Variants in JAM2 observed in about 807,000 individuals in gnomAD.
The protein encoded by JAM2 is junctional adhesion molecule 2, also known as junctional adhesion molecule B.
In JAM2, 17 loss-of-function variants were observed where a neutral mutation model predicts 42.0. That is an observed-to-expected ratio of 0.40 (90% CI 0.28 to 0.61). The LOEUF (loss-of-function observed/expected upper bound fraction) is 0.61. Ranked by LOEUF, JAM2 falls within the 20% of genes least tolerant of loss-of-function variation. The probability of loss-of-function intolerance (pLI) is 0.37; values close to 1 mark genes in which losing one functional copy is unlikely to be tolerated. For synonymous variants in JAM2, 118 were observed against 128.6 expected (o/e 0.92, Z 0.56); for missense variants, 319 against 358.3 (o/e 0.89, Z 0.89).
At chr21:25,701,342 A>G (rs529947209) in intron 5 of JAM2, among the ~76,000 whole-genome samples, 1 of 152,040 alleles carries the variant, frequency 6.6e-6, no homozygotes, top group South Asian at 2.1e-4. Context: ...GGTGACCAGG[A>G]TTACACTCCC....
intron 1 of JAM2, among the ~76,000 whole-genome samples, chr21:25,682,195 T>C (rs890534315): frequency 6.6e-6 from 1 of 152,254 alleles, no homozygotes; most frequent in East Asian, 1.9e-4. Context: ...CTTGCACTTG[T>C]AGCATTTATA....
intron 5 of JAM2, among the ~76,000 whole-genome samples, chr21:25,700,746 A>G (rs2034149100): frequency 6.6e-6 from 1 of 152,206 alleles, no homozygotes; most frequent in African/African-American, 2.4e-5. Flanking sequence ...AGATCTTCTG[A>G]TAAACAAGAA....
At chr21:25,647,359 A>G (rs2032643818) in intron 1 of JAM2, among the ~76,000 whole-genome samples, 1 of 152,206 alleles carries the variant, frequency 6.6e-6, no homozygotes, top group African/African-American at 2.4e-5. Context: ...TAGTTCCAGT[A>G]TATATAAGCA....
At chr21:25,669,280 G>A (rs1043130114) in intron 1 of JAM2, among the ~76,000 whole-genome samples, 1 of 151,936 alleles carries the variant, frequency 6.6e-6, no homozygotes, top group Non-Finnish European at 1.5e-5. Flanking sequence ...GCTGAGGTGG[G>A]GGATCACCTG....
chr21:25,712,532 G>A (rs2034405127), intron 9 of JAM2, 150 bp downstream of exon 9: 1 of 584,600 alleles, frequency 1.7e-6, no homozygotes, highest in African/African-American at 1.9e-5. Flanking sequence ...CTAAGTAGAT[G>A]TTAGCTTCTG....
At chr21:25,662,563 C>T (rs1166587622) in intron 1 of JAM2, among the ~76,000 whole-genome samples, 1 of 152,164 alleles carries the variant, frequency 6.6e-6, no homozygotes, top group Non-Finnish European at 1.5e-5. Context: ...AAGTGATCCT[C>T]CTGTCTCAGC....
rs771920027 is a variant in JAM2 at position 25,715,752 on chromosome 21, C to T, written c.*1080C>T. ...GTGGATCTAATGTGGGTTTCTCAAC[C>T]GATGAACCACAAAAGCTTCCAGCTA... is the stretch of plus-strand genomic sequence containing the variant. On this transcript the variant is annotated 3_prime_UTR_variant, in exon 10 of 10. Transcript: ENST00000480456. 6.6e-6 allele frequency: 1 copy of T among 152,106 alleles called. No homozygotes were observed. The highest frequency in any genetic ancestry group is 6.5e-5 in the Admixed American group (1 of 15,278). The allele number at this position is 152,106 out of a possible 1,614,324, so 9.4% of individuals were successfully genotyped here.
intron 7 of JAM2, among the ~76,000 whole-genome samples, chr21:25,708,849 T>G (rs1486450072): frequency 6.6e-6 from 1 of 152,216 alleles, no homozygotes; most frequent in Non-Finnish European, 1.5e-5. Context: ...GTTCGTTACC[T>G]AAGAATGTTA....
chr21:25,707,061 G>T (rs926305095), intron 7 of JAM2, among the ~76,000 whole-genome samples: 1 of 152,160 alleles, frequency 6.6e-6, no homozygotes, highest in Non-Finnish European at 1.5e-5. Flanking sequence ...GTTAGGAATT[G>T]TATATCTCAA....
chr21:25,681,397 T>C (rs1225803239), intron 1 of JAM2, among the ~76,000 whole-genome samples: 2 of 152,176 alleles, frequency 1.3e-5, no homozygotes, highest in Non-Finnish European at 2.9e-5. Context: ...ATACATCCTT[T>C]TTCACATGGC....
At chr21:25,664,513 C>T (rs961264772) in intron 1 of JAM2, among the ~76,000 whole-genome samples, 3 of 152,148 alleles carry the variant, frequency 2.0e-5, no homozygotes, top group Non-Finnish European at 4.4e-5. Flanking sequence ...GGATTACAGG[C>T]GTCAGCCACT....
intron 1 of JAM2, among the ~76,000 whole-genome samples, chr21:25,679,254 T>C (rs2033571904): frequency 6.6e-6 from 1 of 152,240 alleles, no homozygotes; most frequent in Non-Finnish European, 1.5e-5. Context: ...ATGAAAGATT[T>C]CTCTCTCCTT....
intron 7 of JAM2, among the ~76,000 whole-genome samples, chr21:25,708,729 T>A (rs981624448): frequency 6.6e-6 from 1 of 152,218 alleles, no homozygotes; most frequent in African/African-American, 2.4e-5. Flanking sequence ...ACTCTTGTCA[T>A]CTTTATCTAT....
Position 25,670,430 on chromosome 21 carries a change from G to A in JAM2, c.68-13453G>A, listed in dbSNP as rs2033332878. Among the ~76,000 whole-genome samples, 4 of 151,920 alleles carry A rather than the reference G, an allele frequency of 2.6e-5. No homozygotes were observed. The South Asian group carries it at 8.3e-4, about 32-fold the overall frequency. On this transcript the variant is annotated intron_variant, in intron 1 of 9. Coordinates refer to ENST00000480456, the MANE Select transcript of JAM2 (RefSeq NM_021219.4). ...AGCCCCGGGAGATCAAGGCTGCAGT[G>A]AACTATGATCACGCCACTGCACTCC...
At chr21:25,646,574 AAG>A (rs535490881) in intron 1 of JAM2, among the ~76,000 whole-genome samples, 56 of 136,828 alleles carry the variant, frequency 4.1e-4, no homozygotes, top group Admixed American at 7.5e-4. Flanking sequence ...TGTGGGGGGA[AAG>A]AGAGAGAGAG....
intron 5 of JAM2, among the ~76,000 whole-genome samples, chr21:25,700,184 A>G (rs1001831707): frequency 6.6e-6 from 1 of 152,172 alleles, no homozygotes; most frequent in South Asian, 2.1e-4. Flanking sequence ...GATTATAGGA[A>G]TAGAAGTGGA....
In JAM2 at chr21:25,705,981, G is replaced by A. The variant is rs965096424; in HGVS notation, c.700G>A (p.Asp234Asn). 6 of 1,601,328 alleles carry A rather than the reference G, an allele frequency of 3.7e-6. No homozygotes were observed. The highest frequency in any genetic ancestry group is 1.7e-5 in the Admixed American group (1 of 59,982). The change falls in exon 7 of 10, where the codon GAT becomes AAT. Residue 234 changes from aspartate (D) to asparagine (N), a missense_variant and splice_region_variant. Coordinates refer to ENST00000480456, the MANE Select transcript of JAM2 (RefSeq NM_021219.4). ...RCPGKRMQVD[D>N]LNISGIIAAV... ...GCGTAATTTATTTTACATTCCAGAT[G>A]ATCTCAACATAAGTGGCATCATAGC... is the stretch of plus-strand genomic sequence containing the variant.
intron 7 of JAM2, 92 bp downstream of exon 7, chr21:25,706,178 T>G: frequency 1.5e-6 from 1 of 646,270 alleles, no homozygotes; most frequent in East Asian, 3.0e-5. Flanking sequence ...GTTGTTTTTT[T>G]GTTTGTTTGT....
In JAM2 at chr21:25,714,221, T is replaced by C. The variant is rs1213334029; in HGVS notation, c.865-419T>C. On this transcript the variant is annotated intron_variant, in intron 9 of 9. Transcript: ENST00000480456. ...ACAAGTTTAATTAAATATATACTGGTTTTGGCCAGGTGCAGTGGCTCACGC... is the reference window on the plus strand; with the variant it reads ...ACAAGTTTAATTAAATATATACTGGCTTTGGCCAGGTGCAGTGGCTCACGC... 5.4e-6 allele frequency: 7 copies of C among 1,302,046 alleles called. No homozygotes were observed. In the South Asian group the frequency reaches 6.2e-5, roughly 11 times the overall value. The allele number at this position is 1,302,046 out of a possible 1,614,324, so 80.7% of individuals were successfully genotyped here. A position where few individuals can be genotyped will look rare whatever the true frequency, so the allele number is the denominator to read the frequency against.
Sources: allele counts gnomAD v4.1 joint callset (sites outside exome capture counted in the v4.1 genomes callset), GRCh38; gene constraint gnomAD v4.1.1; transcripts MANE v1.5; gene names NCBI Gene and HGNC (gene_info 2026-07-23, HGNC 2026-07-21).